Variants in ARMC3 observed in about 807,000 individuals in gnomAD.
The protein encoded by ARMC3 is armadillo repeat containing 3, also known as armadillo repeat-containing protein 3.
In ARMC3, 74 loss-of-function variants were observed where a neutral mutation model predicts 90.3. The ratio of observed to expected loss-of-function variants is 0.82; its 90% confidence interval spans 0.68 to 0.99. The LOEUF (loss-of-function observed/expected upper bound fraction) is 0.99. Ranked by LOEUF, ARMC3 falls within the 50% of genes least tolerant of loss-of-function variation. The pLI is 0.00. For synonymous variants in ARMC3, 334 were observed against 361.8 expected (o/e 0.92, Z 0.87); for missense variants, 958 against 1,042.8 (o/e 0.92, Z 1.12).
rs376622425 is a variant in ARMC3 at position 22,937,688 on chromosome 10, A to G, written c.48+5644A>G. Among the ~76,000 whole-genome samples, 278 of 152,312 alleles carry G rather than the reference A, an allele frequency of 1.8e-3. 3 individuals carry two copies. The highest frequency in any genetic ancestry group is 5.8e-3 in the African/African-American group (242 of 41,562). On this transcript the variant is annotated intron_variant, in intron 2 of 18. Coordinates refer to ENST00000298032, the MANE Select transcript of ARMC3 (RefSeq NM_173081.5). The stretch of plus-strand genomic sequence containing the variant: ...ACCTTCAAAGCCTACTGATAGCTCC[A>G]TGGACCTCAGATTTAGAGCCCTCTC...
At chr10:22,982,937 A>G (rs1358880444) in intron 10 of ARMC3, among the ~76,000 whole-genome samples, 1 of 152,214 alleles carries the variant, frequency 6.6e-6, no homozygotes, top group Non-Finnish European at 1.5e-5. Context: ...ATAAAAACAT[A>G]AGAGGAATGC....
intron 2 of ARMC3, among the ~76,000 whole-genome samples, chr10:22,934,328 A>G (rs1222399830): frequency 6.6e-6 from 1 of 152,220 alleles, no homozygotes; most frequent in Non-Finnish European, 1.5e-5. Context: ...ATATATGCAG[A>G]TATAGTACTG....
At chr10:22,960,950 A>G (rs1036169495) in intron 6 of ARMC3, 2 of 152,224 alleles carry the variant, frequency 1.3e-5, no homozygotes, top group African/African-American at 4.8e-5. Context: ...CACTAATTGC[A>G]CAAGGACACC....
rs144861569 is a variant in ARMC3, at chr10:22,986,858, G to A, written c.1175+5158G>A. The stretch of plus-strand genomic sequence containing the variant: ...GTGGGTACAAATATGAAAAGGCAAT[G>A]AATAAGAATAAAAATAACTATTTTT... On this transcript the variant is annotated intron_variant, in intron 10 of 18. Coordinates refer to ENST00000298032, the MANE Select transcript of ARMC3 (RefSeq NM_173081.5). Among the ~76,000 whole-genome samples the A allele has an allele frequency of 9.4e-3, 1,424 of 152,068 alleles. 14 individuals are homozygous for A. The highest frequency in any genetic ancestry group is 0.013 in the Non-Finnish European group (917 of 67,966).
At chr10:22,950,764 C>T (rs1057088763) in intron 3 of ARMC3, among the ~76,000 whole-genome samples, 16 of 151,976 alleles carry the variant, frequency 1.1e-4, no homozygotes, top group African/African-American at 2.9e-4. Flanking sequence ...ACAAAAATAA[C>T]GCAAAAGGAT....
In ARMC3 at chr10:22,968,509, A is replaced by G; in HGVS notation, c.916+20A>G. On this transcript the variant is annotated intron_variant, in intron 8 of 18. Coordinates refer to ENST00000298032, the MANE Select transcript of ARMC3 (RefSeq NM_173081.5). ...ATGATCGTATGTCTCATTTTATTTT[A>G]TTTATTTTGAGATAGGATCTTGCTC... is the stretch of plus-strand genomic sequence containing the variant. The G allele has an allele frequency of 6.5e-7, 1 of 1,538,384 alleles. No homozygotes were observed. Among genetic ancestry groups the G allele is most frequent in the Non-Finnish European group, 8.7e-7 (1 of 1,144,244 alleles).
At chr10:22,930,993 T>C (rs912055137) in intron 1 of ARMC3, among the ~76,000 whole-genome samples, 3 of 152,104 alleles carry the variant, frequency 2.0e-5, no homozygotes, top group African/African-American at 7.2e-5. Flanking sequence ...AGTGGTGCGA[T>C]CTCGGCTCAC....
chr10:22,987,009 G>A (rs1836478337), intron 10 of ARMC3, among the ~76,000 whole-genome samples: 1 of 152,148 alleles, frequency 6.6e-6, no homozygotes, highest in South Asian at 2.1e-4. Context: ...AACAATGCCT[G>A]TAGAAAGGAA....
chr10:22,953,533 C>T (rs1208391615), intron 3 of ARMC3, among the ~76,000 whole-genome samples: 1 of 151,884 alleles, frequency 6.6e-6, no homozygotes, highest in Non-Finnish European at 1.5e-5. Flanking sequence ...CTTTCTCTCC[C>T]TAATAAAAGA....
At chr10:23,011,590 C>T (rs745888021) in intron 16 of ARMC3, among the ~76,000 whole-genome samples, 1 of 152,202 alleles carries the variant, frequency 6.6e-6, no homozygotes, top group Non-Finnish European at 1.5e-5. Flanking sequence ...GGACAGGTGA[C>T]AACTGCAGGG....
At chr10:22,989,170 T>C (rs1197807532) in intron 10 of ARMC3, among the ~76,000 whole-genome samples, 1 of 152,248 alleles carries the variant, frequency 6.6e-6, no homozygotes, top group Non-Finnish European at 1.5e-5. Flanking sequence ...CACTCTCCAG[T>C]GTATCTAAGA....
chr10:23,023,005 T>C lies in ARMC3; in HGVS notation c.2046-7591T>C, dbSNP rs543789819. Among the ~76,000 whole-genome samples the C allele has an allele frequency of 2.0e-4, 30 of 152,170 alleles. No individual in the cohort carries two copies. In the South Asian group the frequency reaches 5.6e-3, roughly 28 times the overall value. On this transcript the variant is annotated intron_variant, in intron 16 of 18. Coordinates refer to ENST00000298032, the MANE Select transcript of ARMC3 (RefSeq NM_173081.5). ...AGGGCACTCCTTTGTCCCCATGGCATTGAGGCTACCTTCTCTCACCAAGAG... is the reference window on the plus strand; with the variant it reads ...AGGGCACTCCTTTGTCCCCATGGCACTGAGGCTACCTTCTCTCACCAAGAG...
chr10:23,014,942 T>C (rs1350064435), intron 16 of ARMC3, among the ~76,000 whole-genome samples: 1 of 141,794 alleles, frequency 7.1e-6, no homozygotes, highest in Non-Finnish European at 1.5e-5. Context: ...GTAACAAACC[T>C]GCACATATAC....
At chr10:23,008,476 T>C in intron 15 of ARMC3, 102 bp downstream of exon 15, 1 of 709,034 alleles carries the variant, frequency 1.4e-6, no homozygotes. Flanking sequence ...ATTTTTATTC[T>C]TCTTATGGTA....
intron 18 of ARMC3, among the ~76,000 whole-genome samples, chr10:23,033,589 G>A (rs896479038): frequency 6.6e-6 from 1 of 152,144 alleles, no homozygotes; most frequent in Non-Finnish European, 1.5e-5. Flanking sequence ...AAGAGGAGGG[G>A]CGAATGCTAG....
chr10:22,935,219 G>A (rs1436243700), intron 2 of ARMC3, among the ~76,000 whole-genome samples: 1 of 152,186 alleles, frequency 6.6e-6, no homozygotes, highest in Non-Finnish European at 1.5e-5. Context: ...GGAAAGTAGT[G>A]CAACATGCCC....
chr10:23,036,846 C>T (rs1024396163), intron 18 of ARMC3, among the ~76,000 whole-genome samples: 4 of 152,172 alleles, frequency 2.6e-5, no homozygotes, highest in Non-Finnish European at 5.9e-5. Flanking sequence ...CCCCATGGCA[C>T]GCAGAATAGT....
chr10:23,014,356 C>T (rs1838169566), intron 16 of ARMC3: 19 of 1,330,074 alleles, frequency 1.4e-5, no homozygotes, highest in Middle Eastern at 2.4e-4. Context: ...GCCTTTGGTC[C>T]ATTGAGGGGT....
intron 10 of ARMC3, among the ~76,000 whole-genome samples, chr10:22,995,791 C>T (rs1169747104): frequency 2.0e-5 from 3 of 152,262 alleles, no homozygotes; most frequent in East Asian, 1.9e-4. Flanking sequence ...TATGACCCTG[C>T]GAACTCCTTT....
Sources: gnomAD v4.1 joint callset for allele counts (sites outside exome capture counted in the v4.1 genomes callset) on GRCh38, gnomAD v4.1.1 for gene constraint, MANE v1.5 for transcripts, NCBI Gene and HGNC (gene_info 2026-07-23, HGNC 2026-07-21) for gene names.